Variants in ZNF654 observed in about 807,000 individuals in gnomAD.
ZNF654 encodes zinc finger protein 654.
A neutral mutation model predicts 95.3 loss-of-function variants in ZNF654; 19 were observed. The observed-to-expected ratio is 0.20, with a 90% CI of 0.14 to 0.29. The LOEUF (loss-of-function observed/expected upper bound fraction) is 0.29. Among genes scored for constraint, ZNF654 ranks in the 10% least tolerant of loss-of-function variants. ZNF654 has a pLI of 1.00. For missense variants in ZNF654, 1,046 were observed against 1,341.0 expected (o/e 0.78, Z 3.44); for synonymous variants, 413 against 457.9 (o/e 0.90, Z 1.25).
At chr3:88,141,341 C>CT (rs912392149) in intron 8 of ZNF654, among the ~76,000 whole-genome samples, 2 of 55,318 alleles carry the variant, frequency 3.6e-5, no homozygotes, top group African/African-American at 7.9e-5. Flanking sequence ...GATTATACTT[C>CT]TTCACTGTAT....
intron 1 of ZNF654, among the ~76,000 whole-genome samples, chr3:88,074,620 C>T (rs370812596): frequency 9.9e-5 from 15 of 152,206 alleles, no homozygotes; most frequent in South Asian, 4.1e-4. Flanking sequence ...GGATTATAAG[C>T]GTGAGCCACT....
intron 2 of ZNF654, among the ~76,000 whole-genome samples, chr3:88,103,283 C>T (rs1323810030): frequency 2.6e-5 from 4 of 152,112 alleles, no homozygotes; most frequent in East Asian, 3.9e-4. Flanking sequence ...TTGGAAATTT[C>T]GGCACAGAAA....
At chr3:88,087,448 T>C (rs1244951431) in intron 2 of ZNF654, among the ~76,000 whole-genome samples, 1 of 152,216 alleles carries the variant, frequency 6.6e-6, no homozygotes, top group Non-Finnish European at 1.5e-5. Context: ...TTTGTGATTA[T>C]GCCTTCTGCC....
At chr3:88,095,934 G>T in intron 2 of ZNF654, 1 of 365,770 alleles carries the variant, frequency 2.7e-6, no homozygotes, top group South Asian at 2.5e-5. Context: ...TTCATTCTCT[G>T]ATGAAATGTT....
chr3:88,083,299 T>C (rs761086086), intron 1 of ZNF654, among the ~76,000 whole-genome samples: 1 of 152,248 alleles, frequency 6.6e-6, no homozygotes, highest in Non-Finnish European at 1.5e-5. Context: ...CTTAATAGTT[T>C]TATGTTGTTT....
intron 6 of ZNF654, among the ~76,000 whole-genome samples, chr3:88,130,181 T>C (rs528717911): frequency 1.6e-4 from 24 of 152,152 alleles, no homozygotes; most frequent in Non-Finnish European, 3.4e-4. Flanking sequence ...TATGAGTGTT[T>C]TTAGGTAGCT....
intron 1 of ZNF654, among the ~76,000 whole-genome samples, chr3:88,085,859 C>T (rs1000948428): frequency 2.6e-5 from 4 of 152,024 alleles, no homozygotes; most frequent in Non-Finnish European, 5.9e-5. Context: ...TGCTTAGAGT[C>T]TTATAAATAA....
chr3:88,128,645 A>T (rs1187647182), intron 4 of ZNF654, among the ~76,000 whole-genome samples, 164 bp from the exon 5 acceptor site: 1 of 152,106 alleles, frequency 6.6e-6, no homozygotes, highest in African/African-American at 2.4e-5. Flanking sequence ...CCTTTTTCCA[A>T]CCATATAACT....
At chr3:88,128,295 TTAA>T (rs1706240638) in intron 4 of ZNF654, among the ~76,000 whole-genome samples, 1 of 152,158 alleles carries the variant, frequency 6.6e-6, no homozygotes, top group Middle Eastern at 3.2e-3. Context: ...TACTTTTGGA[TTAA>T]TTTTATCTTT....
intron 2 of ZNF654, among the ~76,000 whole-genome samples, chr3:88,101,622 T>G (rs1466114935): frequency 6.6e-6 from 1 of 152,162 alleles, no homozygotes; most frequent in Non-Finnish European, 1.5e-5. Flanking sequence ...ACTTCCAGTT[T>G]TGGGCTATAA....
intron 1 of ZNF654, among the ~76,000 whole-genome samples, chr3:88,079,448 A>G (rs1243845348): frequency 2.0e-5 from 3 of 152,096 alleles, no homozygotes; most frequent in Non-Finnish European, 4.4e-5. Flanking sequence ...TTTTGTTTAT[A>G]TAATTTTAAA....
At chr3:88,105,694 G>A (rs1262925195) in intron 2 of ZNF654, among the ~76,000 whole-genome samples, 1 of 152,042 alleles carries the variant, frequency 6.6e-6, no homozygotes, top group Non-Finnish European at 1.5e-5. Context: ...TCAATCTTCT[G>A]ATTTTTTTTG....
intron 3 of ZNF654, among the ~76,000 whole-genome samples, chr3:88,121,602 CT>C (rs1698868672): frequency 6.6e-6 from 1 of 152,002 alleles, no homozygotes; most frequent in South Asian, 2.1e-4. Context: ...ACATGATTGC[CT>C]TTTTGTAAAG....
At chr3:88,070,499 CA>C (rs1707442496) in intron 1 of ZNF654, among the ~76,000 whole-genome samples, 1 of 148,916 alleles carries the variant, frequency 6.7e-6, no homozygotes, top group African/African-American at 2.5e-5. Context: ...AACAATAATT[CA>C]GACATACCAA....
intron 1 of ZNF654, among the ~76,000 whole-genome samples, chr3:88,065,892 C>A (rs563668097): frequency 5.3e-5 from 8 of 152,036 alleles, no homozygotes; most frequent in Non-Finnish European, 1.2e-4. Flanking sequence ...CACCACCATG[C>A]CCGGCTAAAT....
At chr3:88,094,951 C>G (rs1646193298) in intron 2 of ZNF654, among the ~76,000 whole-genome samples, 1 of 152,026 alleles carries the variant, frequency 6.6e-6, no homozygotes, top group South Asian at 2.1e-4. Context: ...CTGCTTCTTA[C>G]AAAGAAAACT....
At chr3:88,067,695 A>T (rs1707278031) in intron 1 of ZNF654, among the ~76,000 whole-genome samples, 1 of 152,208 alleles carries the variant, frequency 6.6e-6, no homozygotes, top group Non-Finnish European at 1.5e-5. Context: ...TCGTTGAATT[A>T]ACATGGAGTC....
At chr3:88,134,112 A>AAG (rs1310207348) in intron 6 of ZNF654, among the ~76,000 whole-genome samples, 5 of 151,796 alleles carry the variant, frequency 3.3e-5, no homozygotes, top group Non-Finnish European at 4.4e-5. Context: ...TTAAAAAAAA[A>AAG]AAAGGTGGGG....
At chr3:88,110,884 C>G (rs913471831) in intron 2 of ZNF654, among the ~76,000 whole-genome samples, 13 of 152,028 alleles carry the variant, frequency 8.6e-5, no homozygotes, top group African/African-American at 3.1e-4. Flanking sequence ...ATGTGTTTTG[C>G]CTTTATTTGC....
Sources: allele counts gnomAD v4.1 joint callset (sites outside exome capture counted in the v4.1 genomes callset), GRCh38; gene constraint gnomAD v4.1.1; transcripts MANE v1.5; gene names NCBI Gene and HGNC (gene_info 2026-07-23, HGNC 2026-07-21).